MARCHF8: variants seen among roughly 807,000 people sequenced by gnomAD.
The protein encoded by MARCHF8 is E3 ubiquitin-protein ligase MARCHF8.
A neutral mutation model predicts 51.6 loss-of-function variants in MARCHF8; 40 were observed. The observed-to-expected ratio is 0.77, with a 90% CI of 0.60 to 1.01. MARCHF8 has a LOEUF of 1.01. Among genes scored for constraint, MARCHF8 ranks in the 50% least tolerant of loss-of-function variants. The probability of loss-of-function intolerance (pLI) is 0.00; values close to 1 mark genes in which losing one functional copy is unlikely to be tolerated. For missense variants in MARCHF8, 685 were observed against 708.6 expected (o/e 0.97, Z 0.38); for synonymous variants, 263 against 280.3 (o/e 0.94, Z 0.62).
chr10:45,550,453 G>A (rs1355898996), intron 1 of MARCHF8, among the ~76,000 whole-genome samples: 2 of 152,172 alleles, frequency 1.3e-5, no homozygotes, highest in Non-Finnish European at 2.9e-5. Flanking sequence ...GCTTCCTGCA[G>A]AAAGAATTCT....
chr10:45,458,598 A>G (rs1047185327), intron 7 of MARCHF8, 55 bp from the exon 8 acceptor site: 2 of 1,485,190 alleles, frequency 1.3e-6, no homozygotes, highest in African/African-American at 1.4e-5. Context: ...AAGTAAAGAA[A>G]AACACAACTT....
chr10:45,522,702 G>A (rs562066823), intron 2 of MARCHF8, among the ~76,000 whole-genome samples: 32 of 152,332 alleles, frequency 2.1e-4, no homozygotes, highest in African/African-American at 5.3e-4. Context: ...TCCAACAGCA[G>A]TGCCCTGCTC....
intron 3 of MARCHF8, among the ~76,000 whole-genome samples, chr10:45,487,870 A>C (rs1488140115): frequency 6.6e-6 from 1 of 152,054 alleles, no homozygotes; most frequent in African/African-American, 2.4e-5. Flanking sequence ...AGGAGGCCTG[A>C]GACAGCAGAT....
chr10:45,462,729 A>C (rs1439126562), intron 5 of MARCHF8, among the ~76,000 whole-genome samples: 1 of 151,528 alleles, frequency 6.6e-6, no homozygotes, highest in East Asian at 1.9e-4. Flanking sequence ...GGGTTCAAGC[A>C]ATTCTCCTGC....
At chr10:45,525,749 G>A (rs2043781648) in intron 2 of MARCHF8, among the ~76,000 whole-genome samples, 1 of 152,224 alleles carries the variant, frequency 6.6e-6, no homozygotes, top group Admixed American at 6.5e-5. Context: ...CATTGTATCT[G>A]TGGACTTCCA....
At chr10:45,559,677 G>C (rs2044288376) in intron 1 of MARCHF8, among the ~76,000 whole-genome samples, 1 of 152,124 alleles carries the variant, frequency 6.6e-6, no homozygotes, top group South Asian at 2.1e-4. Flanking sequence ...ATTAAAACCT[G>C]TATAAATATA....
chr10:45,470,525 C>T (rs1373023146), intron 3 of MARCHF8, among the ~76,000 whole-genome samples: 3 of 152,160 alleles, frequency 2.0e-5, no homozygotes, highest in Admixed American at 2.0e-4. Context: ...AATAATCTCC[C>T]TTATTTTAAG....
At chr10:45,562,946 GTT>G (rs34933187) in intron 1 of MARCHF8, among the ~76,000 whole-genome samples, 2 of 145,920 alleles carry the variant, frequency 1.4e-5, no homozygotes. Flanking sequence ...TTATATGTGG[GTT>G]TTTTTTTTTT....
Position 45,551,590 on chromosome 10 carries a change from C to T in MARCHF8, c.-78-18301G>A, listed in dbSNP as rs79422362. ...TCCTGCTTTCCATAATGTGCGTGGG[C>T]CTCAACCAATCAGTTGAAGGCCTTA... On this transcript the variant is annotated intron_variant, in intron 1 of 6. Coordinates refer to the MARCHF8 transcript ENST00000319836. Among the ~76,000 whole-genome samples the T allele has an allele frequency of 3.8e-3, 574 of 152,114 alleles. 12 individuals carry two copies. In the East Asian group the frequency reaches 0.053, roughly 14 times the overall value.
chr10:45,473,920 T>G (rs1351150664), intron 3 of MARCHF8, among the ~76,000 whole-genome samples: 2 of 152,318 alleles, frequency 1.3e-5, no homozygotes, highest in Admixed American at 1.3e-4. Context: ...AACCTCATCC[T>G]GGTTGGCTCC....
At chr10:45,469,893 A>G (rs989139555) in intron 3 of MARCHF8, among the ~76,000 whole-genome samples, 20 of 132,506 alleles carry the variant, frequency 1.5e-4, no homozygotes, top group Non-Finnish European at 2.9e-4. Flanking sequence ...AAAAAAAAAA[A>G]GCTACTTCTT....
chr10:45,498,544 C>T (rs1293645283), intron 2 of MARCHF8, among the ~76,000 whole-genome samples: 2 of 151,736 alleles, frequency 1.3e-5, no homozygotes, highest in African/African-American at 4.8e-5. Flanking sequence ...GGCATGATCT[C>T]GGCTCACTGC....
At chr10:45,507,157 C>G (rs980337699) in intron 2 of MARCHF8, among the ~76,000 whole-genome samples, 1 of 152,154 alleles carries the variant, frequency 6.6e-6, no homozygotes, top group African/African-American at 2.4e-5. Context: ...TTATCAATAA[C>G]ATGTGAATGA....
intron 2 of MARCHF8, among the ~76,000 whole-genome samples, chr10:45,511,247 T>C (rs991075848): frequency 6.6e-6 from 1 of 152,190 alleles, no homozygotes; most frequent in South Asian, 2.1e-4. Context: ...ATTAGTAAAA[T>C]GAACAGATAA....
intron 3 of MARCHF8, among the ~76,000 whole-genome samples, chr10:45,481,705 CCT>C (rs1272825717): frequency 6.6e-6 from 1 of 152,178 alleles, no homozygotes; most frequent in African/African-American, 2.4e-5. Context: ...GTTCATTAAA[CCT>C]CTTTTTCTTT....
intron 1 of MARCHF8, among the ~76,000 whole-genome samples, chr10:45,551,840 T>TACACAC (rs139172803): frequency 0.019 from 2,888 of 148,522 alleles, 63 homozygotes; most frequent in East Asian, 0.057. Context: ...GGTATATCTG[T>TACACAC]ACACACACAC....
chr10:45,591,601 A>G (rs868032294), intron 1 of MARCHF8, among the ~76,000 whole-genome samples: 12 of 152,180 alleles, frequency 7.9e-5, no homozygotes, highest in Non-Finnish European at 1.3e-4. Context: ...ACTTTTTTCA[A>G]TACATACTCT....
intron 2 of MARCHF8, among the ~76,000 whole-genome samples, chr10:45,524,842 G>A (rs2043765341): frequency 6.6e-6 from 1 of 152,010 alleles, no homozygotes; most frequent in South Asian, 2.1e-4. Flanking sequence ...GCCTTTCGAA[G>A]TAGTGGGTTA....
chr10:45,559,144 T>C (rs1032160595), intron 1 of MARCHF8, among the ~76,000 whole-genome samples: 1 of 152,250 alleles, frequency 6.6e-6, no homozygotes, highest in Non-Finnish European at 1.5e-5. Flanking sequence ...TTGGTAAACA[T>C]ACCGTAAATC....
Sources: allele counts gnomAD v4.1 joint callset (sites outside exome capture counted in the v4.1 genomes callset), GRCh38; gene constraint gnomAD v4.1.1; transcripts MANE v1.5; gene names NCBI Gene and HGNC (gene_info 2026-07-23, HGNC 2026-07-21).